Variants in NYAP2 observed in about 807,000 individuals in gnomAD.
The protein encoded by NYAP2 is neuronal tyrosine-phosphorylated phosphoinositide-3-kinase adapter 2.
A neutral mutation model predicts 50.4 loss-of-function variants in NYAP2; 23 were observed. The ratio of observed to expected loss-of-function variants is 0.46; its 90% CI spans 0.33 to 0.65. The LOEUF (loss-of-function observed/expected upper bound fraction) is 0.65, where lower values mean the gene tolerates loss of function less well. Among genes scored for constraint, NYAP2 ranks in the 30% least tolerant of loss-of-function variants. NYAP2 has a pLI of 0.02. For missense variants in NYAP2, 885 were observed against 861.0 expected, an observed-to-expected ratio of 1.03 and a Z score of -0.35; for synonymous variants, 394 against 365.2, an observed-to-expected ratio of 1.08 and a Z score of -0.90.
chr2:225,456,885 G>A (rs954480419), intron 3 of NYAP2, among the ~76,000 whole-genome samples: 2 of 152,198 alleles, frequency 1.3e-5, no homozygotes, highest in Non-Finnish European at 2.9e-5. Context: ...TTGTATAAGT[G>A]TGAAGTTTGG....
chr2:225,596,077 G>A (rs1692591889), intron 5 of NYAP2, among the ~76,000 whole-genome samples: 1 of 152,106 alleles, frequency 6.6e-6, no homozygotes, highest in Non-Finnish European at 1.5e-5. Flanking sequence ...CTAGAGTGCA[G>A]TGGTGATTCA....
At chr2:225,450,285 A>G (rs1689629760) in intron 3 of NYAP2, among the ~76,000 whole-genome samples, 1 of 152,214 alleles carries the variant, frequency 6.6e-6, no homozygotes, top group Non-Finnish European at 1.5e-5. Context: ...AGCTGGAAAG[A>G]ATAGATTTAA....
chr2:225,560,670 A>G (rs1424596764), intron 4 of NYAP2, among the ~76,000 whole-genome samples: 2 of 151,976 alleles, frequency 1.3e-5, no homozygotes, highest in East Asian at 3.9e-4. Flanking sequence ...TGGAACAGAA[A>G]CTCTGGCACA....
intron 2 of NYAP2, among the ~76,000 whole-genome samples, chr2:225,405,900 G>A (rs1481013139): frequency 2.6e-5 from 4 of 151,894 alleles, no homozygotes; most frequent in African/African-American, 4.8e-5. Flanking sequence ...TAAGGAAGTT[G>A]CACTACAATA....
rs185779077 is a variant in NYAP2 at position 225,536,676 on chromosome 2, C to A, written c.523+23004C>A. ...AAACATTTATTCTTTGTGTACTAAA[C>A]AATCCAGTTATGCTAGTTTTTTTTA... On this transcript the variant is annotated intron_variant, in intron 4 of 6. Coordinates refer to ENST00000636099, the Ensembl canonical transcript of NYAP2. Among the ~76,000 whole-genome samples, 324 of 152,124 alleles carry A rather than the reference C, an allele frequency of 2.1e-3. 2 individuals are homozygous for A. Among genetic ancestry groups the A allele is most frequent in the Non-Finnish European group, 1.9e-3 (131 of 67,996 alleles).
chr2:225,471,950 A>G (rs1024495238), intron 3 of NYAP2, among the ~76,000 whole-genome samples: 3 of 150,478 alleles, frequency 2.0e-5, no homozygotes, highest in African/African-American at 7.3e-5. Flanking sequence ...GGTAAAAATG[A>G]TAATAAGACT....
Position 225,622,323 on chromosome 2 carries a change from A to C in NYAP2, c.1619-4594A>C, listed in dbSNP as rs191643241. 3.3e-5 allele frequency among the ~76,000 whole-genome samples: 5 copies of C among 151,692 alleles called. No individual in the cohort carries two copies. In the East Asian group the frequency reaches 9.9e-4, roughly 30 times the overall value. ...CTGGGATCACAGGCGTGAGGCATTG[A>C]ACCTGGCTCCTGCTTTCAATTATTT... On this transcript the variant is annotated intron_variant, in intron 5 of 6. Transcript: ENST00000636099.
the NYAP2 span, chr2:225,700,913 T>A: frequency 6.6e-6 from 1 of 151,878 alleles, no homozygotes; most frequent in South Asian, 2.1e-4. Context: ...CTGTTTGTTC[T>A]ATCAAACTTA....
intron 3 of NYAP2, among the ~76,000 whole-genome samples, chr2:225,425,083 A>G (rs1478950982): frequency 7.2e-5 from 11 of 152,178 alleles, no homozygotes; most frequent in Admixed American, 6.5e-4. Context: ...AAAGAAATAG[A>G]GCTTTCAGAA....
chr2:225,404,317 G>GA (rs1012218306), intron 2 of NYAP2, among the ~76,000 whole-genome samples: 28 of 151,716 alleles, frequency 1.8e-4, no homozygotes, highest in African/African-American at 6.3e-4. Flanking sequence ...TATAGAAAAA[G>GA]AAAAAACGAG....
Position 225,647,980 on chromosome 2 carries a change from G to A in NYAP2, c.1829-3452G>A, listed in dbSNP as rs146815308. On this transcript the variant is annotated intron_variant, in intron 6 of 6. Coordinates refer to ENST00000636099, the Ensembl canonical transcript of NYAP2. Reference sequence around the variant, plus strand: ...TATGTGTGTGCATACATATGTGTGTGTGCATATGTATGTATATAATTTATT... The same window carrying A: ...TATGTGTGTGCATACATATGTGTGTATGCATATGTATGTATATAATTTATT... Among the ~76,000 whole-genome samples the A allele has an allele frequency of 1.1e-3, 13 of 12,246 alleles. 1 individual carries two copies. Among genetic ancestry groups the A allele is most frequent in the Non-Finnish European group, 1.7e-3 (11 of 6,644 alleles). 8.0% of individuals were successfully genotyped at this position (12,246 alleles called of 152,430 possible). A position where few individuals can be genotyped will look rare whatever the true frequency, so the allele number is the denominator to read the frequency against.
intron 4 of NYAP2, among the ~76,000 whole-genome samples, chr2:225,570,789 C>T (rs1032353751): frequency 1.3e-5 from 2 of 152,198 alleles, no homozygotes; most frequent in African/African-American, 4.8e-5. Flanking sequence ...ATCATGCCTT[C>T]CCAACAGTCC....
intron 3 of NYAP2, among the ~76,000 whole-genome samples, chr2:225,501,741 A>G (rs1270820671): frequency 1.3e-5 from 2 of 152,212 alleles, no homozygotes; most frequent in Non-Finnish European, 2.9e-5. Flanking sequence ...TTCAAAAAGA[A>G]AAGTTTCTGA....
chr2:225,703,208 TG>T, the NYAP2 span: 1 of 151,762 alleles, frequency 6.6e-6, no homozygotes, highest in Admixed American at 6.6e-5. Flanking sequence ...AAAAATAATA[TG>T]TTTTTTAGTG....
the NYAP2 span, among the ~76,000 whole-genome samples, chr2:225,694,623 A>C: frequency 3.7e-4 from 56 of 152,100 alleles, no homozygotes; most frequent in South Asian, 8.3e-4. Context: ...ATCTTCCCAC[A>C]ATATAATTAT....
chr2:225,468,788 G>C (rs968274009), intron 3 of NYAP2, among the ~76,000 whole-genome samples: 3 of 151,982 alleles, frequency 2.0e-5, no homozygotes, highest in Non-Finnish European at 4.4e-5. Flanking sequence ...ACATGAAGAG[G>C]ACAAAAAAGA....
At chr2:225,648,629 A>C (rs1336566525) in intron 6 of NYAP2, among the ~76,000 whole-genome samples, 1 of 152,178 alleles carries the variant, frequency 6.6e-6, no homozygotes, top group Non-Finnish European at 1.5e-5. Flanking sequence ...TAAACTGAAA[A>C]AGTACAAGAT....
At chr2:225,635,020 A>G (rs1462003440) in intron 6 of NYAP2, among the ~76,000 whole-genome samples, 1 of 152,204 alleles carries the variant, frequency 6.6e-6, no homozygotes, top group Non-Finnish European at 1.5e-5. Flanking sequence ...CTTCTAAAAC[A>G]TATTTCCCGT....
At chr2:225,502,154 A>G (rs1353469659) in intron 3 of NYAP2, among the ~76,000 whole-genome samples, 3 of 152,224 alleles carry the variant, frequency 2.0e-5, no homozygotes, top group East Asian at 1.9e-4. Flanking sequence ...ATTTAGAAGG[A>G]TAAATCTGGC....
Sources: allele counts gnomAD v4.1 joint callset (sites outside exome capture counted in the v4.1 genomes callset), GRCh38; gene constraint gnomAD v4.1.1; transcripts MANE v1.5; gene names NCBI Gene and HGNC (gene_info 2026-07-23, HGNC 2026-07-21).